Variants in IZUMO2 observed in about 807,000 individuals in gnomAD.
The protein encoded by IZUMO2 is izumo sperm-egg fusion protein 2.
Under a neutral mutation model 31.2 loss-of-function variants are expected in IZUMO2, and 24 were observed. The observed-to-expected ratio is 0.77, with a 90% CI of 0.56 to 1.08. The LOEUF is 1.08. IZUMO2 is among the 50% of genes least tolerant of loss of function. The probability of loss-of-function intolerance (pLI) is 0.00; values close to 1 mark genes in which losing one functional copy is unlikely to be tolerated. For missense variants in IZUMO2, 278 were observed against 274.0 expected (o/e 1.01, Z -0.10); for synonymous variants, 144 against 117.3 (o/e 1.23, Z -1.47).
intron 5 of IZUMO2, among the ~76,000 whole-genome samples, chr19:50,155,540 G>A (rs933266433): frequency 3.9e-5 from 6 of 152,164 alleles, no homozygotes; most frequent in South Asian, 2.1e-4. Flanking sequence ...TGCTTTCTGC[G>A]TCTTCCACTT....
At position 50,154,735 on chromosome 19, in the gene IZUMO2, G is replaced by C. The variant is rs1038735726; in HGVS notation, c.497-9C>G. The C allele has an allele frequency of 3.7e-6, 6 of 1,613,156 alleles. No individual in the cohort carries two copies. The Admixed American group carries it at 5.0e-5, about 13-fold the overall frequency. The stretch of plus-strand genomic sequence containing the variant: ...GCGGGGTTGCCGGTCGACTGGGGCG[G>C]GTGGGGAAACAGCCCCGACCTCCAC... On this transcript the variant is annotated splice_polypyrimidine_tract_variant and intron_variant, in intron 5 of 6. Transcript: ENST00000293405.
intron 5 of IZUMO2, among the ~76,000 whole-genome samples, chr19:50,155,637 G>A (rs2030189140): frequency 6.6e-6 from 1 of 152,076 alleles, no homozygotes; most frequent in Non-Finnish European, 1.5e-5. Context: ...CCACTTCCAT[G>A]GCTACCAAGC....
intron 5 of IZUMO2, 93 bp downstream of exon 5, chr19:50,158,175 T>C: frequency 1.4e-6 from 1 of 710,124 alleles, no homozygotes; most frequent in Non-Finnish European, 2.4e-6. Flanking sequence ...CGAGGCTGCA[T>C]GTGGGAGCCT....
chr19:50,162,790 C>G lies in IZUMO2; in HGVS notation c.256G>C (p.Ala86Pro). Residue 86 changes from alanine (A) to proline (P), a missense_variant, in exon 2 of 7, where the codon GCG (alanine) becomes CCG (proline). Transcript: ENST00000293405. ...TGCGTTTGGTTCTTGACAAAGGACG[C>G]CACAAGGTCCAGTTGATTTGTCTCT... is the stretch of plus-strand genomic sequence containing the variant. ...KVETNQLDLV[A>P]SFVKNQTQHL... 6.2e-7 allele frequency: 1 copy of G among 1,613,874 alleles called. No homozygotes were observed.
At chr19:50,157,891 G>A (rs2030265072) in intron 5 of IZUMO2, among the ~76,000 whole-genome samples, 1 of 149,088 alleles carries the variant, frequency 6.7e-6, no homozygotes, top group Admixed American at 6.7e-5. Context: ...TTGTACTCCA[G>A]CCTGGGCGAG....
intron 4 of IZUMO2, among the ~76,000 whole-genome samples, chr19:50,158,790 G>A (rs1021475057): frequency 6.6e-6 from 1 of 152,010 alleles, no homozygotes; most frequent in Admixed American, 6.6e-5. Context: ...AAGTGAGCAG[G>A]ATCATGTGTG....
At chr19:50,157,036 G>A (rs185600983) in intron 5 of IZUMO2, among the ~76,000 whole-genome samples, 1 of 152,308 alleles carries the variant, frequency 6.6e-6, no homozygotes, top group East Asian at 1.9e-4. Context: ...TATGTATGGG[G>A]CATGGTGTCT....
chr19:50,162,955 A>G lies in IZUMO2; in HGVS notation c.232+8T>C. The stretch of plus-strand genomic sequence containing the variant: ...CAGCCCCGCTGCCCAATTTCTCCCA[A>G]CACGCACCCACTTTCCCCACAAACA... On this transcript the variant is annotated splice_region_variant and intron_variant, in intron 1 of 6. Coordinates refer to ENST00000293405, the MANE Select transcript of IZUMO2 (RefSeq NM_152358.3). 1 of 1,613,414 alleles carries G rather than the reference A, an allele frequency of 6.2e-7. No homozygotes were observed. Among genetic ancestry groups the G allele is most frequent in the Non-Finnish European group, 8.5e-7 (1 of 1,179,688 alleles).
Position 50,152,571 on chromosome 19 carries a change from A to C in IZUMO2, c.*38T>G. ...GATGGATTTGTCACCAATTTTATTA[A>C]ATTTATTTTCCTTTCTCCTTACCCC... On this transcript the variant is annotated 3_prime_UTR_variant, in exon 7 of 7. Coordinates refer to ENST00000293405, the MANE Select transcript of IZUMO2 (RefSeq NM_152358.3). The C allele has an allele frequency of 1.3e-6, 2 of 1,581,662 alleles. No individual in the cohort carries two copies. The highest frequency in any genetic ancestry group is 1.7e-4 in the Middle Eastern group (1 of 6,012).
intron 2 of IZUMO2, among the ~76,000 whole-genome samples, chr19:50,162,476 G>A (rs953017530): frequency 6.6e-6 from 1 of 151,766 alleles, no homozygotes; most frequent in South Asian, 2.1e-4. Flanking sequence ...TTAGCCAGGT[G>A]TGGTGGCACA....
intron 4 of IZUMO2, 64 bp downstream of exon 4, chr19:50,159,166 G>A: frequency 6.5e-7 from 1 of 1,531,582 alleles, no homozygotes; most frequent in Non-Finnish European, 9.0e-7. Context: ...GGCTTGATTT[G>A]GGGAGACAGG....
chr19:50,158,362 A>G lies in IZUMO2; in HGVS notation c.416-14T>C, dbSNP rs746652794. 4.4e-6 allele frequency: 7 copies of G among 1,576,676 alleles called. No homozygotes were observed. Among genetic ancestry groups the G allele is most frequent in the Non-Finnish European group, 6.1e-6 (7 of 1,148,494 alleles). ...CTTTTAGCAAGCCTAGGCAAGGGGA[A>G]AGGGAGAAGTAAGACAAGGGCAGAT... is the stretch of plus-strand genomic sequence containing the variant. On this transcript the variant is annotated splice_polypyrimidine_tract_variant and intron_variant, in intron 4 of 6. Transcript: ENST00000293405.
chr19:50,154,722 G>A lies in IZUMO2; in HGVS notation c.501C>T (p.Asp167=), dbSNP rs376125382. ...ACTGCAGGGCCACGCGGGGTTGCCG[G>A]TCGACTGGGGCGGGTGGGGAAACAG... The part of the protein sequence containing the change: ...KCIHKKYCFV[D]RQPRVALQYQ... Residue 167 remains aspartate, a synonymous_variant, in exon 6 of 7, where the codon GAC becomes GAT. Transcript: ENST00000293405. 43 of 1,613,516 alleles carry A rather than the reference G, an allele frequency of 2.7e-5. 1 individual carries two copies. The Admixed American group carries it at 5.5e-4, about 21-fold the overall frequency.
chr19:50,157,930 T>A (rs116053361), intron 5 of IZUMO2, among the ~76,000 whole-genome samples: 3,104 of 148,008 alleles, frequency 0.021, 101 homozygotes, highest in African/African-American at 0.075. Context: ...AAAAAAAGAA[T>A]GTATGTTTTT....
chr19:50,158,230 C>CGCCT (rs749048604), intron 5 of IZUMO2, 38 bp downstream of exon 5: 2 of 1,377,448 alleles, frequency 1.5e-6, no homozygotes, highest in Non-Finnish European at 2.1e-6. Context: ...ATCTCTTGCA[C>CGCCT]GCCTGTCCCA....
chr19:50,153,049 C>T (rs1012252470), intron 6 of IZUMO2, among the ~76,000 whole-genome samples: 2 of 152,184 alleles, frequency 1.3e-5, no homozygotes, highest in Non-Finnish European at 2.9e-5. Flanking sequence ...TAATTGGAAA[C>T]ACGGTCTTTG....
chr19:50,157,044 T>C (rs543342010), intron 5 of IZUMO2, among the ~76,000 whole-genome samples: 2 of 152,272 alleles, frequency 1.3e-5, no homozygotes, highest in African/African-American at 4.8e-5. Context: ...GGGCATGGTG[T>C]CTGTGGTTTC....
intron 2 of IZUMO2, 68 bp from the exon 3 acceptor site, chr19:50,159,648 TC>T: frequency 1.1e-6 from 1 of 898,590 alleles, no homozygotes; most frequent in Non-Finnish European, 1.8e-6. Flanking sequence ...ACCTGAAGCT[TC>T]CAGGAGAAGA....
At chr19:50,160,348 G>A (rs908421095) in intron 2 of IZUMO2, 61 of 152,238 alleles carry the variant, frequency 4.0e-4, no homozygotes, top group African/African-American at 1.4e-3. Flanking sequence ...CAAAAAACCT[G>A]TAAAATATAT....
Sources: allele counts gnomAD v4.1 joint callset (sites outside exome capture counted in the v4.1 genomes callset), GRCh38; gene constraint gnomAD v4.1.1; transcripts MANE v1.5; gene names NCBI Gene and HGNC (gene_info 2026-07-23, HGNC 2026-07-21).